TECPR2: variants seen among roughly 807,000 people sequenced by gnomAD.
TECPR2 encodes the protein tectonin beta-propeller repeat-containing protein 2.
A neutral mutation model predicts 138.1 loss-of-function variants in TECPR2; 65 were observed. The ratio of observed to expected loss-of-function variants is 0.47; its 90% CI spans 0.39 to 0.58. TECPR2 has a LOEUF of 0.58. TECPR2 is among the 20% of genes least tolerant of loss of function. The pLI is 0.00. For missense variants in TECPR2, 1,553 were observed against 1,824.5 expected, an observed-to-expected ratio of 0.85 and a Z score of 2.71; for synonymous variants, 746 against 749.8, an observed-to-expected ratio of 0.99 and a Z score of 0.08.
chr14:102,458,524 G>A (rs142355644), intron 16 of TECPR2, among the ~76,000 whole-genome samples: 3 of 152,196 alleles, frequency 2.0e-5, no homozygotes, highest in Admixed American at 6.5e-5. Context: ...CCGAGGCCTC[G>A]TGCGTTGGGG....
intron 3 of TECPR2, 88 bp from the exon 4 acceptor site, chr14:102,408,400 G>T: frequency 7.1e-7 from 1 of 1,414,102 alleles, no homozygotes; most frequent in Middle Eastern, 1.9e-4. Flanking sequence ...CCCTAACTAG[G>T]AGTGATTGTA....
rs1891453015 is a variant in TECPR2, at chr14:102,502,128, T to G, written c.*3871T>G. On this transcript the variant is annotated 3_prime_UTR_variant, in exon 20 of 20. Transcript: ENST00000359520. The stretch of plus-strand genomic sequence containing the variant: ...GCCTGCAGCTATTAAGAAGCACGTG[T>G]GTGCAGGAAGCGGAGGCGCAGGACC... 1 of 152,230 alleles carries G rather than the reference T, an allele frequency of 6.6e-6. No individual in the cohort carries two copies. The highest frequency in any genetic ancestry group is 2.4e-5 in the African/African-American group (1 of 41,456). The allele number at this position is 152,230 out of a possible 1,614,324, so 9.4% of individuals were successfully genotyped here.
intron 2 of TECPR2, among the ~76,000 whole-genome samples, chr14:102,396,946 C>T (rs1888332203): frequency 6.6e-6 from 1 of 152,128 alleles, no homozygotes; most frequent in Admixed American, 6.6e-5. Flanking sequence ...AAGTTCTTCC[C>T]CCTCCAATTA....
chr14:102,378,986 G>A (rs1475255089), intron 2 of TECPR2, among the ~76,000 whole-genome samples: 1 of 152,128 alleles, frequency 6.6e-6, no homozygotes, highest in South Asian at 2.1e-4. Flanking sequence ...TTGAGTAATA[G>A]CTCATGGATT....
chr14:102,410,476 A>T (rs1335779293), intron 4 of TECPR2, among the ~76,000 whole-genome samples: 3 of 73,162 alleles, frequency 4.1e-5, no homozygotes, highest in East Asian at 2.4e-4. Context: ...AAATTAAAAA[A>T]AAAAATAAAA....
intron 3 of TECPR2, among the ~76,000 whole-genome samples, chr14:102,408,157 G>A (rs1378558845): frequency 1.3e-5 from 2 of 151,396 alleles, no homozygotes; most frequent in Admixed American, 6.6e-5. Context: ...CTGACGGAGC[G>A]AGACTCTGTC....
At chr14:102,451,735 C>T (rs148921716) in intron 15 of TECPR2, among the ~76,000 whole-genome samples, 1 of 152,130 alleles carries the variant, frequency 6.6e-6, no homozygotes, top group African/African-American at 2.4e-5. Context: ...CTTCATATAA[C>T]GTACTGTGAC....
Position 102,438,108 on chromosome 14 carries a change from CTACAAA to C in TECPR2, c.2482_2487del (p.Tyr828_Lys829del). 6.2e-7 allele frequency: 1 copy of C among 1,614,158 alleles called. No homozygotes were observed. The highest frequency in any genetic ancestry group is 2.2e-5 in the East Asian group (1 of 44,878). ...CCGAGAAGTATATCTGGTGCCTGGA[CTACAAA>C]GGCGGCCTGTTCTGCAGCGCGTTGC... On this transcript the variant is annotated inframe_deletion, in exon 10 of 20. Coordinates refer to ENST00000359520, the MANE Select transcript of TECPR2 (RefSeq NM_014844.5).
At chr14:102,373,202 T>C (rs1887553798) in intron 1 of TECPR2, among the ~76,000 whole-genome samples, 1 of 151,234 alleles carries the variant, frequency 6.6e-6, no homozygotes, top group African/African-American at 2.4e-5. Context: ...TTTTTTTCTT[T>C]CTTTTTGGTG....
chr14:102,372,270 C>CTT (rs368764334), intron 1 of TECPR2, among the ~76,000 whole-genome samples: 5,837 of 144,952 alleles, frequency 0.04, 126 homozygotes, highest in Middle Eastern at 0.094. Context: ...CTTTTCTTTT[C>CTT]TTTTTTTTTT....
Position 102,441,048 on chromosome 14 carries a change from G to GA in TECPR2, c.2752+448dup, listed in dbSNP as rs201046780. Among the ~76,000 whole-genome samples, 13 of 150,036 alleles carry GA rather than the reference G, an allele frequency of 8.7e-5. No individual in the cohort carries two copies. The East Asian group carries it at 2.2e-3, about 25-fold the overall frequency. ...ATATACTTACTTACCCGTGGGCCAG[G>GA]AAAAAAAAAGAAATAATTTGCTCTT... On this transcript the variant is annotated intron_variant, in intron 11 of 19. Transcript: ENST00000359520.
intron 16 of TECPR2, among the ~76,000 whole-genome samples, chr14:102,463,091 C>T (rs1890448384): frequency 6.6e-6 from 1 of 152,136 alleles, no homozygotes; most frequent in African/African-American, 2.4e-5. Flanking sequence ...GGGTGTGGAG[C>T]ACAGGATCTC....
At chr14:102,429,089 C>T (rs1001814962) in intron 7 of TECPR2, among the ~76,000 whole-genome samples, 47 of 152,154 alleles carry the variant, frequency 3.1e-4, no homozygotes, top group African/African-American at 1.1e-3. Context: ...TCAGGCGATC[C>T]GCCTGCCTCC....
intron 11 of TECPR2, among the ~76,000 whole-genome samples, chr14:102,441,119 C>T (rs1371256388): frequency 6.6e-6 from 1 of 152,102 alleles, no homozygotes; most frequent in Non-Finnish European, 1.5e-5. Flanking sequence ...GGCTGGCATG[C>T]AGTGGTGCCA....
rs1043579444 is a variant in TECPR2, at chr14:102,500,708, A to G, written c.*2451A>G. The G allele has an allele frequency of 2.0e-5, 3 of 152,260 alleles. No individual in the cohort carries two copies. The highest frequency in any genetic ancestry group is 4.4e-5 in the Non-Finnish European group (3 of 68,044). 9.4% of individuals were successfully genotyped at this position (152,260 alleles called of 1,614,324 possible). On this transcript the variant is annotated 3_prime_UTR_variant, in exon 20 of 20. Transcript: ENST00000359520. ...TCCACATTCCTGGATGGAGGACTAC[A>G]CACATTATGGAAAGACCTCATTCTT...
intron 17 of TECPR2, among the ~76,000 whole-genome samples, chr14:102,480,000 T>C (rs1389534484): frequency 6.6e-6 from 1 of 152,232 alleles, no homozygotes; most frequent in Non-Finnish European, 1.5e-5. Context: ...TCAGAAGAAC[T>C]TCAACTAATA....
chr14:102,496,929 C>A (rs781526254), intron 17 of TECPR2, 50 bp from the exon 18 acceptor site: 4 of 1,600,904 alleles, frequency 2.5e-6, no homozygotes, highest in African/African-American at 2.7e-5. Context: ...CCTGTCCTTT[C>A]TCTTGTCACC....
At chr14:102,401,066 C>T (rs187291510) in intron 2 of TECPR2, among the ~76,000 whole-genome samples, 296 of 151,918 alleles carry the variant, frequency 1.9e-3, no homozygotes, top group Middle Eastern at 6.8e-3. Flanking sequence ...AAATAAGTCC[C>T]TGTTTATTGG....
At chr14:102,407,606 G>A in intron 3 of TECPR2, 140 bp downstream of exon 3, 2 of 1,164,912 alleles carry the variant, frequency 1.7e-6, no homozygotes, top group Non-Finnish European at 2.3e-6. Flanking sequence ...GCTCATGCCT[G>A]TAATCCCAGT....
Sources: gnomAD v4.1 joint callset for allele counts (sites outside exome capture counted in the v4.1 genomes callset) on GRCh38, gnomAD v4.1.1 for gene constraint, MANE v1.5 for transcripts, NCBI Gene and HGNC (gene_info 2026-07-23, HGNC 2026-07-21) for gene names.